CCDC38: variants seen among roughly 807,000 people sequenced by gnomAD.
CCDC38 encodes the protein coiled-coil domain containing 38.
A neutral mutation model predicts 72.8 loss-of-function variants in CCDC38; 69 were observed. That is an observed-to-expected ratio of 0.95 (90% CI 0.78 to 1.16). The LOEUF is 1.16. CCDC38 is among the 50% of genes most tolerant of loss of function. The pLI is 0.00. For missense variants in CCDC38, 626 were observed against 638.9 expected (o/e 0.98, Z 0.22); for synonymous variants, 201 against 213.2 (o/e 0.94, Z 0.50).
At chr12:95,925,756 G>A (rs984812648) in intron 2 of CCDC38, among the ~76,000 whole-genome samples, 6 of 151,970 alleles carry the variant, frequency 3.9e-5, no homozygotes, top group Admixed American at 2.0e-4. Flanking sequence ...CTGAAGGGTT[G>A]TTGAATTTTG....
intron 4 of CCDC38, among the ~76,000 whole-genome samples, chr12:95,908,684 G>A (rs10859979): frequency 0.32 from 18,324 of 57,496 alleles, 4,483 homozygotes; most frequent in African/African-American, 0.58. Flanking sequence ...AGGGAGAGGG[G>A]GCTGTCAAAA....
intron 5 of CCDC38, among the ~76,000 whole-genome samples, chr12:95,900,262 A>C (rs2079936764): frequency 6.6e-6 from 1 of 152,192 alleles, no homozygotes. Flanking sequence ...AATACACAAT[A>C]CTGAATGCCA....
intron 2 of CCDC38, among the ~76,000 whole-genome samples, chr12:95,931,946 G>C (rs931725706): frequency 1.3e-5 from 2 of 152,140 alleles, no homozygotes; most frequent in Non-Finnish European, 2.9e-5. Flanking sequence ...CCAATGCAAA[G>C]GTCCTGAGGC....
chr12:95,891,076 C>T, intron 8 of CCDC38, 146 bp from the exon 9 acceptor site: 1 of 560,380 alleles, frequency 1.8e-6, no homozygotes, highest in Non-Finnish European at 3.2e-6. Context: ...ACATTATCAA[C>T]CAGCAAACGT....
At chr12:95,924,723 G>T (rs1380062867) in intron 2 of CCDC38, among the ~76,000 whole-genome samples, 1 of 151,162 alleles carries the variant, frequency 6.6e-6, no homozygotes, top group Non-Finnish European at 1.5e-5. Context: ...TGTATAAGGG[G>T]TAAGGAAGGG....
intron 2 of CCDC38, chr12:95,919,409 C>A (rs1471356717): frequency 2.4e-6 from 1 of 411,710 alleles, no homozygotes; most frequent in Non-Finnish European, 4.9e-6. Context: ...ACAGGGCATA[C>A]TTCTACGTTA....
intron 14 of CCDC38, 67 bp downstream of exon 14, chr12:95,872,188 A>G (rs1353399920): frequency 7.2e-7 from 1 of 1,384,618 alleles, no homozygotes; most frequent in Non-Finnish European, 1.0e-6. Flanking sequence ...GAGACTTGCT[A>G]ATGTGTTTGT....
Position 95,880,546 on chromosome 12 carries a change from T to C in CCDC38, c.991-751A>G, listed in dbSNP as rs557619692. Among the ~76,000 whole-genome samples the C allele has an allele frequency of 3.2e-4, 48 of 151,396 alleles. No homozygotes were observed. In the East Asian group the frequency reaches 9.2e-3, roughly 29 times the overall value. Reference sequence around the variant, plus strand: ...GTCGGTGCCTGTAATCCCAGCTACTTGGGAGGCTGAGGCAGAGAATTGCTT... The same window carrying C: ...GTCGGTGCCTGTAATCCCAGCTACTCGGGAGGCTGAGGCAGAGAATTGCTT... On this transcript the variant is annotated intron_variant, in intron 11 of 15. Coordinates refer to ENST00000344280, the MANE Select transcript of CCDC38 (RefSeq NM_182496.3).
At chr12:95,925,771 AG>A (rs1180176011) in intron 2 of CCDC38, among the ~76,000 whole-genome samples, 2 of 151,860 alleles carry the variant, frequency 1.3e-5, no homozygotes, top group Non-Finnish European at 2.9e-5. Flanking sequence ...ATTTTGTCAA[AG>A]GTCTTTTCTG....
intron 4 of CCDC38, among the ~76,000 whole-genome samples, chr12:95,906,710 G>C (rs1267406268): frequency 2.6e-5 from 4 of 151,096 alleles, no homozygotes; most frequent in Non-Finnish European, 5.9e-5. Flanking sequence ...ACCTGAATAA[G>C]GTACTTACTA....
chr12:95,926,095 G>A (rs1464629119), intron 2 of CCDC38, among the ~76,000 whole-genome samples: 6 of 144,186 alleles, frequency 4.2e-5, no homozygotes, highest in Admixed American at 7.0e-5. Context: ...TCTATTGATT[G>A]GAATAGTTTC....
Position 95,878,370 on chromosome 12 carries a change from C to T in CCDC38, c.1143-24G>A, listed in dbSNP as rs560135961. ...TTCTATTACAAAAGAAGAAAGAGAC[C>T]CTCATCTGAAATTTGTGGTTAGTGA... On this transcript the variant is annotated intron_variant, in intron 12 of 15. Coordinates refer to ENST00000344280, the MANE Select transcript of CCDC38 (RefSeq NM_182496.3). 28 of 1,602,594 alleles carry T rather than the reference C, an allele frequency of 1.7e-5. No homozygotes were observed. In the Admixed American group the frequency reaches 1.9e-4, roughly 11 times the overall value.
intron 5 of CCDC38, among the ~76,000 whole-genome samples, chr12:95,905,657 T>C (rs575025062): frequency 2.6e-5 from 4 of 152,356 alleles, no homozygotes; most frequent in Admixed American, 1.3e-4. Flanking sequence ...AAGAGTTTAA[T>C]TGAGACACAT....
intron 2 of CCDC38, among the ~76,000 whole-genome samples, chr12:95,926,388 T>A (rs1365051395): frequency 1.3e-5 from 2 of 151,970 alleles, no homozygotes; most frequent in African/African-American, 2.4e-5. Context: ...GGTGGTGATA[T>A]CCCCTTTATC....
Position 95,881,532 on chromosome 12 carries a change from C to G in CCDC38, c.943G>C (p.Glu315Gln), listed in dbSNP as rs776306876. ...TCTAAAAGGAATTCCAAACTGTCTT[C>G]TGAACCGAAACTTTCAGCCAGGCTG... ...KSNLAESFGS[E>Q]DSLEFLLDDE... Residue 315 changes from glutamate to glutamine, a missense_variant, in exon 11 of 16, where the codon GAA becomes CAA. Glu to Gln is a conservative substitution (Grantham distance 29, BLOSUM62 2). Coordinates refer to ENST00000344280, the MANE Select transcript of CCDC38 (RefSeq NM_182496.3). The G allele has an allele frequency of 2.5e-6, 4 of 1,609,296 alleles. No individual in the cohort carries two copies. The highest frequency in any genetic ancestry group is 3.4e-6 in the Non-Finnish European group (4 of 1,177,790).
intron 8 of CCDC38, among the ~76,000 whole-genome samples, chr12:95,893,675 T>A (rs952540399): frequency 6.6e-6 from 1 of 151,824 alleles, no homozygotes; most frequent in Non-Finnish European, 1.5e-5. Context: ...GAGAAGGGGA[T>A]TTGCCATGTT....
chr12:95,932,287 A>G lies in CCDC38; in HGVS notation c.37+4186T>C, dbSNP rs74783806. ...GGTGAAAAGTGGTTGGGTTCTGAGT[A>G]CATTCTGAAGGGAGAACCAACAGAA... On this transcript the variant is annotated intron_variant, in intron 2 of 15. Coordinates refer to ENST00000344280, the MANE Select transcript of CCDC38 (RefSeq NM_182496.3). 1.2e-4 allele frequency among the ~76,000 whole-genome samples: 19 copies of G among 152,298 alleles called. 1 individual carries two copies. Among genetic ancestry groups the G allele is most frequent in the African/African-American group, 4.3e-4 (18 of 41,562 alleles).
At chr12:95,940,070 T>C (rs1316975935) in intron 1 of CCDC38, among the ~76,000 whole-genome samples, 7 of 152,078 alleles carry the variant, frequency 4.6e-5, no homozygotes, top group Admixed American at 2.0e-4. Context: ...CTGCTCATAG[T>C]AGGCTTGTGA....
chr12:95,925,539 T>C (rs536007212), intron 2 of CCDC38, among the ~76,000 whole-genome samples: 1 of 152,342 alleles, frequency 6.6e-6, no homozygotes, highest in African/African-American at 2.4e-5. Context: ...TATTTCCTTC[T>C]CCTGCCTGAT....
Sources: allele counts gnomAD v4.1 joint callset (sites outside exome capture counted in the v4.1 genomes callset), GRCh38; gene constraint gnomAD v4.1.1; transcripts MANE v1.5; gene names NCBI Gene and HGNC (gene_info 2026-07-23, HGNC 2026-07-21).